Variants in SLC9A9 observed in about 807,000 individuals in gnomAD.
The protein encoded by SLC9A9 is sodium/hydrogen exchanger 9.
Under a neutral mutation model 77.8 loss-of-function variants are expected in SLC9A9, and 62 were observed. The ratio of observed to expected loss-of-function variants is 0.80; its 90% CI spans 0.65 to 0.98. SLC9A9 has a LOEUF of 0.98. SLC9A9 is among the 50% of genes least tolerant of loss of function. The probability of loss-of-function intolerance (pLI) is 0.00; values close to 1 mark genes in which losing one functional copy is unlikely to be tolerated. For missense variants in SLC9A9, 775 were observed against 774.9 expected (o/e 1.00, Z 0.00); for synonymous variants, 320 against 283.5 (o/e 1.13, Z -1.29).
intron 4 of SLC9A9, among the ~76,000 whole-genome samples, chr3:143,749,011 C>T (rs2108823025): frequency 6.6e-6 from 1 of 152,268 alleles, no homozygotes; most frequent in East Asian, 1.9e-4. Context: ...CCTGACCAAG[C>T]TTTTTAACTG....
chr3:143,525,885 C>G (rs2036395909), intron 9 of SLC9A9, among the ~76,000 whole-genome samples: 1 of 151,934 alleles, frequency 6.6e-6, no homozygotes, highest in Admixed American at 6.6e-5. Flanking sequence ...GTCAAGCAGA[C>G]AGTGCAGGAT....
At position 143,746,283 on chromosome 3, in the gene SLC9A9, A is replaced by G. The variant is rs746458787; in HGVS notation, c.533+48718T>C. ...CTAGAGTTGGGGAAGTTGGGGAGGAAAGGCCGGCAGTTCATTTATTCAAAT... is the reference window on the plus strand; with the variant it reads ...CTAGAGTTGGGGAAGTTGGGGAGGAGAGGCCGGCAGTTCATTTATTCAAAT... On this transcript the variant is annotated intron_variant, in intron 4 of 15. Coordinates refer to ENST00000316549, the MANE Select transcript of SLC9A9 (RefSeq NM_173653.4). Among the ~76,000 whole-genome samples the G allele has an allele frequency of 4.6e-5, 7 of 152,166 alleles. No individual in the cohort carries two copies. The East Asian group carries it at 1.2e-3, about 25-fold the overall frequency.
chr3:143,317,888 T>C lies in SLC9A9; in HGVS notation c.1604+45596A>G, dbSNP rs565241266. Among the ~76,000 whole-genome samples the C allele has an allele frequency of 3.4e-3, 510 of 152,182 alleles. 4 individuals carry two copies. Among genetic ancestry groups the C allele is most frequent in the African/African-American group, 0.011 (476 of 41,512 alleles). On this transcript the variant is annotated intron_variant, in intron 14 of 15. Coordinates refer to ENST00000316549, the MANE Select transcript of SLC9A9 (RefSeq NM_173653.4). ...GACTACAGGCACCCGCCACCACGCC[T>C]GGCTAATTTTTTGTATTTTTAGTAG...
chr3:143,796,963 A>G (rs1183543956), intron 2 of SLC9A9, 60 bp from the exon 3 acceptor site: 5 of 1,370,048 alleles, frequency 3.6e-6, no homozygotes, highest in Non-Finnish European at 5.2e-6. Context: ...TTAAAAAAAC[A>G]TGTTTCAAAA....
At chr3:143,324,625 C>A (rs1374106343) in intron 14 of SLC9A9, among the ~76,000 whole-genome samples, 2 of 152,054 alleles carry the variant, frequency 1.3e-5, no homozygotes, top group East Asian at 3.9e-4. Context: ...AATTTGAGAT[C>A]AGCCTGGGCA....
chr3:143,843,755 A>G (rs2009763861), intron 1 of SLC9A9, among the ~76,000 whole-genome samples: 2 of 152,232 alleles, frequency 1.3e-5, no homozygotes, highest in Non-Finnish European at 2.9e-5. Context: ...GTCAGGGAGC[A>G]AGGAGCAAAT....
chr3:143,454,621 T>C (rs1209602235), intron 12 of SLC9A9, among the ~76,000 whole-genome samples: 1 of 152,204 alleles, frequency 6.6e-6, no homozygotes, highest in East Asian at 1.9e-4. Context: ...CTCCCAGTTC[T>C]GTAGGTCTGA....
chr3:143,657,259 AT>A (rs1333785792), intron 5 of SLC9A9, among the ~76,000 whole-genome samples: 3 of 152,238 alleles, frequency 2.0e-5, no homozygotes, highest in African/African-American at 7.2e-5. Flanking sequence ...TGTTTAGGTC[AT>A]TCTAAATTTT....
chr3:143,276,861 C>T lies in SLC9A9; in HGVS notation c.1605-7881G>A, dbSNP rs545740484. ...TGACATTTCAGAGAGTTTTCAGATG[C>T]CTTGAAACCCATCCATAAACCCCTA... On this transcript the variant is annotated intron_variant, in intron 14 of 15. Transcript: ENST00000316549. Among the ~76,000 whole-genome samples, 6 of 151,962 alleles carry T rather than the reference C, an allele frequency of 3.9e-5. No homozygotes were observed. In the South Asian group the frequency reaches 8.3e-4, roughly 21 times the overall value.
chr3:143,585,966 T>C (rs2037534067), intron 6 of SLC9A9, among the ~76,000 whole-genome samples: 2 of 152,378 alleles, frequency 1.3e-5, no homozygotes, highest in South Asian at 4.1e-4. Flanking sequence ...CCTCTGTCCT[T>C]GCAGGTGGCA....
chr3:143,506,652 G>A (rs1057406839), intron 9 of SLC9A9, among the ~76,000 whole-genome samples: 2 of 152,104 alleles, frequency 1.3e-5, no homozygotes, highest in Non-Finnish European at 2.9e-5. Context: ...GACATATGAG[G>A]TCTTGAGTCT....
intron 11 of SLC9A9, among the ~76,000 whole-genome samples, chr3:143,485,022 G>A (rs2035633703): frequency 6.6e-6 from 1 of 152,206 alleles, no homozygotes; most frequent in Non-Finnish European, 1.5e-5. Flanking sequence ...TCTAGGAGAA[G>A]GCTTGGGAAG....
At chr3:143,270,538 A>G (rs914774574) in intron 14 of SLC9A9, among the ~76,000 whole-genome samples, 1 of 152,152 alleles carries the variant, frequency 6.6e-6, no homozygotes, top group African/African-American at 2.4e-5. Context: ...GGGTCAATAA[A>G]AATGTCTTTA....
chr3:143,513,958 T>C (rs1408170590), intron 9 of SLC9A9, among the ~76,000 whole-genome samples: 3 of 152,202 alleles, frequency 2.0e-5, no homozygotes, highest in African/African-American at 7.2e-5. Context: ...CTAATGTCAT[T>C]TACGTTAGGT....
intron 14 of SLC9A9, among the ~76,000 whole-genome samples, chr3:143,328,198 G>T (rs145236631): frequency 1.3e-5 from 2 of 152,102 alleles, no homozygotes; most frequent in Admixed American, 1.3e-4. Context: ...TATGGACTTC[G>T]GCTAATAATG....
chr3:143,448,865 ATTATATAATATGATATAT>A lies in SLC9A9; in HGVS notation c.1469+18154_1469+18171del, dbSNP rs2034895309. ...TATAATATATTATGTTATATAATAT[ATTATATAATATGATATAT>A]ATTATATATTATAATATATAATATG... On this transcript the variant is annotated intron_variant, in intron 12 of 15. Coordinates refer to ENST00000316549, the MANE Select transcript of SLC9A9 (RefSeq NM_173653.4). 1.6e-4 allele frequency among the ~76,000 whole-genome samples: 7 copies of A among 43,610 alleles called. 2 individuals are homozygous for A. Among genetic ancestry groups the A allele is most frequent in the African/African-American group, 1.1e-3 (7 of 6,162 alleles). 28.6% of individuals were successfully genotyped at this position (43,610 alleles called of 152,430 possible).
chr3:143,305,684 A>T (rs2030749282), intron 14 of SLC9A9, among the ~76,000 whole-genome samples: 1 of 152,210 alleles, frequency 6.6e-6, no homozygotes, highest in Non-Finnish European at 1.5e-5. Context: ...CTTTTGGCAG[A>T]TTTGACAGAT....
At chr3:143,392,217 C>T (rs1002679323) in intron 12 of SLC9A9, among the ~76,000 whole-genome samples, 1 of 152,136 alleles carries the variant, frequency 6.6e-6, no homozygotes, top group African/African-American at 2.4e-5. Context: ...TCGGGTTACC[C>T]ACAAAGGGAA....
At chr3:143,425,074 G>C (rs1476035062) in intron 12 of SLC9A9, among the ~76,000 whole-genome samples, 2 of 152,174 alleles carry the variant, frequency 1.3e-5, no homozygotes, top group Admixed American at 6.5e-5. Flanking sequence ...AGAACAGTCT[G>C]TTGTGCTCCT....
Sources: allele counts gnomAD v4.1 joint callset (sites outside exome capture counted in the v4.1 genomes callset), GRCh38; gene constraint gnomAD v4.1.1; transcripts MANE v1.5; gene names NCBI Gene and HGNC (gene_info 2026-07-23, HGNC 2026-07-21).